Variants in GPHN observed in about 807,000 individuals in gnomAD.
GPHN encodes the protein gephyrin.
GPHN carries 17 observed loss-of-function variants against 95.5 expected under a neutral mutation model. The ratio of observed to expected loss-of-function variants is 0.18; its 90% confidence interval spans 0.12 to 0.27. The LOEUF (loss-of-function observed/expected upper bound fraction) is 0.27. Among genes scored for constraint, GPHN ranks in the 10% least tolerant of loss-of-function variants. GPHN has a pLI of 1.00. For missense variants in GPHN, 660 were observed against 978.1 expected (o/e 0.67, Z 4.34); for synonymous variants, 320 against 322.5 (o/e 0.99, Z 0.08).
At chr14:66,689,558 G>A (rs1418488623) in intron 2 of GPHN, among the ~76,000 whole-genome samples, 1 of 152,098 alleles carries the variant, frequency 6.6e-6, no homozygotes, top group Non-Finnish European at 1.5e-5. Context: ...GGTAATGCTG[G>A]CCTCTTAGAA....
the GPHN span, among the ~76,000 whole-genome samples, chr14:67,604,510 C>T: frequency 6.6e-6 from 1 of 150,654 alleles, no homozygotes; most frequent in South Asian, 2.1e-4. Context: ...TGCTGGGCAA[C>T]ATAGCGAGAC....
chr14:67,531,130 A>C, the GPHN span, among the ~76,000 whole-genome samples: 1 of 152,150 alleles, frequency 6.6e-6, no homozygotes, highest in Non-Finnish European at 1.5e-5. Context: ...ATCCAAAGAA[A>C]GGGGCTCTAG....
At chr14:67,638,824 C>T in the GPHN span, among the ~76,000 whole-genome samples, 1 of 152,198 alleles carries the variant, frequency 6.6e-6, no homozygotes, top group Admixed American at 6.5e-5. Context: ...GCTAACCATG[C>T]TGGATCAACC....
At chr14:67,392,993 G>C in the GPHN span, 1 of 867,786 alleles carries the variant, frequency 1.2e-6, no homozygotes, top group Non-Finnish European at 1.9e-6. Context: ...CTGCTGCATA[G>C]AGCCGTGGCT....
chr14:67,585,811 G>A, the GPHN span: 1 of 1,047,982 alleles, frequency 9.5e-7, no homozygotes, highest in Non-Finnish European at 1.4e-6. Context: ...ACTGCTTGTA[G>A]ATATTCAAGA....
chr14:66,856,191 T>TA (rs1469166973), intron 4 of GPHN, among the ~76,000 whole-genome samples: 1 of 152,086 alleles, frequency 6.6e-6, no homozygotes, highest in African/African-American at 2.4e-5. Flanking sequence ...AACTTTGGTT[T>TA]AAAAAAATAA....
the GPHN span, among the ~76,000 whole-genome samples, chr14:67,466,391 A>T: frequency 6.6e-6 from 1 of 152,266 alleles, no homozygotes; most frequent in Admixed American, 6.5e-5. Flanking sequence ...CTAAGAGGGA[A>T]ATGCTGGCAG....
chr14:66,688,905 G>A (rs1180613263), intron 2 of GPHN, among the ~76,000 whole-genome samples: 1 of 150,364 alleles, frequency 6.7e-6, no homozygotes, highest in African/African-American at 2.5e-5. Flanking sequence ...CACACACCGG[G>A]GCCTGTCGGG....
At chr14:66,618,846 A>G (rs1418163467) in intron 1 of GPHN, among the ~76,000 whole-genome samples, 1 of 152,188 alleles carries the variant, frequency 6.6e-6, no homozygotes, top group Admixed American at 6.5e-5. Flanking sequence ...ACTACATGGA[A>G]GATGGTGAAC....
intron 10 of GPHN, among the ~76,000 whole-genome samples, chr14:67,025,761 C>A (rs1446413646): frequency 6.6e-6 from 1 of 152,216 alleles, no homozygotes; most frequent in African/African-American, 2.4e-5. Flanking sequence ...CTGGGTCTCA[C>A]TGGCTATAGC....
chr14:67,360,382 G>T, the GPHN span: 1 of 396,374 alleles, frequency 2.5e-6, no homozygotes, highest in Non-Finnish European at 4.4e-6. Flanking sequence ...GCCGGTGAGG[G>T]GGAAGCAAGT....
chr14:66,552,357 C>T (rs1197480310), intron 1 of GPHN, among the ~76,000 whole-genome samples: 1 of 152,194 alleles, frequency 6.6e-6, no homozygotes, highest in South Asian at 2.1e-4. Context: ...TACTCACTCC[C>T]CTAGTGTGAT....
chr14:66,719,046 C>G (rs1190846916), intron 2 of GPHN, among the ~76,000 whole-genome samples: 1 of 152,204 alleles, frequency 6.6e-6, no homozygotes, highest in Admixed American at 6.5e-5. Context: ...GGTGGTCTCT[C>G]CCACCATGCC....
At chr14:67,287,252 T>A in the GPHN span, among the ~76,000 whole-genome samples, 6 of 151,462 alleles carry the variant, frequency 4.0e-5, no homozygotes, top group Admixed American at 6.6e-5. Context: ...CACTGGAGAT[T>A]CTGGTTATGA....
chr14:66,821,314 A>G (rs1458989174), intron 3 of GPHN, among the ~76,000 whole-genome samples: 1 of 152,252 alleles, frequency 6.6e-6, no homozygotes, highest in Non-Finnish European at 1.5e-5. Flanking sequence ...TCAGTTTAAT[A>G]TGTATACATA....
chr14:66,907,192 G>C (rs961706037), intron 5 of GPHN, among the ~76,000 whole-genome samples: 1 of 152,064 alleles, frequency 6.6e-6, no homozygotes, highest in African/African-American at 2.4e-5. Flanking sequence ...TACTTCAATA[G>C]GTAAATGGAT....
chr14:66,838,847 A>G (rs1160337960), intron 4 of GPHN, among the ~76,000 whole-genome samples: 1 of 152,150 alleles, frequency 6.6e-6, no homozygotes, highest in Non-Finnish European at 1.5e-5. Flanking sequence ...ATATCTGTCA[A>G]GTACTATGAA....
At chr14:67,395,390 T>TG in the GPHN span, 2 of 1,612,054 alleles carry the variant, frequency 1.2e-6, no homozygotes, top group Admixed American at 3.3e-5. Flanking sequence ...GCCCGGCAAG[T>TG]GGGGCACTCA....
the GPHN span, among the ~76,000 whole-genome samples, chr14:67,673,141 G>C: frequency 6.6e-6 from 1 of 152,266 alleles, no homozygotes; most frequent in South Asian, 2.1e-4. Context: ...TCAGGAGTTA[G>C]AGATCAGCCT....
Sources: gnomAD v4.1 joint callset for allele counts (sites outside exome capture counted in the v4.1 genomes callset) on GRCh38, gnomAD v4.1.1 for gene constraint, MANE v1.5 for transcripts, NCBI Gene and HGNC (gene_info 2026-07-23, HGNC 2026-07-21) for gene names.